SARDH: variants seen among roughly 807,000 people sequenced by gnomAD.
The protein encoded by SARDH is sarcosine dehydrogenase, mitochondrial.
A neutral mutation model predicts 109.1 loss-of-function variants in SARDH; 95 were observed. The ratio of observed to expected loss-of-function variants is 0.87; its 90% CI spans 0.74 to 1.03. The LOEUF (loss-of-function observed/expected upper bound fraction) is 1.03. Among genes scored for constraint, SARDH ranks in the 50% least tolerant of loss-of-function variants. The pLI, the probability that SARDH is intolerant of heterozygous loss-of-function variation, is 0.00. For synonymous variants in SARDH, 572 were observed against 534.8 expected (o/e 1.07, Z -0.96); for missense variants, 1,267 against 1,287.8 (o/e 0.98, Z 0.25).
In SARDH at chr9:133,709,095, G is replaced by A. The variant is rs990322384; in HGVS notation, c.1329-667C>T. 3.9e-5 allele frequency among the ~76,000 whole-genome samples: 6 copies of A among 152,178 alleles called. No individual in the cohort carries two copies. Among genetic ancestry groups the A allele is most frequent in the African/African-American group, 9.7e-5 (4 of 41,418 alleles). On this transcript the variant is annotated intron_variant, in intron 10 of 20. Transcript: ENST00000439388. This position sits in a 1 kb window ranked among gnomAD's most constrained non-coding sequence, Gnocchi z 4.2. ...CTGGGGAGCGGCTGCCCAATCCAGCGCCTGGGACCGGAGATGATGTGGCTG... is the reference window on the plus strand; with the variant it reads ...CTGGGGAGCGGCTGCCCAATCCAGCACCTGGGACCGGAGATGATGTGGCTG...
chr9:133,732,476 G>C lies in SARDH; in HGVS notation c.457C>G (p.Leu153Val). 6.2e-7 allele frequency: 1 copy of C among 1,612,212 alleles called. No individual in the cohort carries two copies. Residue 153 changes from leucine to valine, a missense_variant, in exon 3 of 21, where the codon CTC becomes GTC. Leu to Val is a conservative substitution (Grantham distance 32, BLOSUM62 1). Coordinates refer to ENST00000439388, the MANE Select transcript of SARDH (RefSeq NM_001134707.2). ...LHTGWIQNGG[L>V]FIASNRQRLD... ...CGCTGCCGGTTGGACGCGATGAAGA[G>C]GCCCCCATTCTGGATCCAGCCCGTG...
intron 8 of SARDH, among the ~76,000 whole-genome samples, chr9:133,717,037 A>C (rs1832148002): frequency 6.6e-6 from 1 of 152,200 alleles, no homozygotes; most frequent in Non-Finnish European, 1.5e-5. Flanking sequence ...CTAGGGATGA[A>C]GAAGCCCAGG....
rs1481222082 is a variant in SARDH at position 133,704,805 on chromosome 9, C to T, written c.1554+143G>A. The T allele has an allele frequency of 1.5e-6, 1 of 688,604 alleles. No individual in the cohort carries two copies. The highest frequency in any genetic ancestry group is 4.0e-4 in the Middle Eastern group (1 of 2,486). 42.7% of individuals were successfully genotyped at this position (688,604 alleles called of 1,614,324 possible). ...GGGCAGGTCGGCAGGGCTCGGCTTC[C>T]CGTGTGCAGAATAACTGATCACGAC... On this transcript the variant is annotated intron_variant, in intron 12 of 20. Coordinates refer to ENST00000439388, the MANE Select transcript of SARDH (RefSeq NM_001134707.2). The surrounding 1 kb of genome is among the most constrained non-coding windows in gnomAD (Gnocchi z 4.5).
chr9:133,710,795 C>T (rs1294080557), intron 10 of SARDH, among the ~76,000 whole-genome samples: 4 of 152,248 alleles, frequency 2.6e-5, no homozygotes, highest in Admixed American at 6.5e-5. Context: ...TGGTGGCGGC[C>T]GTCCACTCTG....
At chr9:133,687,769 T>C (rs1389856126) in intron 16 of SARDH, among the ~76,000 whole-genome samples, 2 of 152,236 alleles carry the variant, frequency 1.3e-5, no homozygotes, top group African/African-American at 4.8e-5. Context: ...CATTGTCCAG[T>C]AGGTGTGCTG....
In SARDH at chr9:133,709,304, G is replaced by A. The variant is rs754535623; in HGVS notation, c.1329-876C>T. Among the ~76,000 whole-genome samples the A allele has an allele frequency of 6.6e-6, 1 of 152,112 alleles. No individual in the cohort carries two copies. Among genetic ancestry groups the A allele is most frequent in the Admixed American group, 6.5e-5 (1 of 15,272 alleles). On this transcript the variant is annotated intron_variant, in intron 10 of 20. Transcript: ENST00000439388. The surrounding 1 kb of genome is among the most constrained non-coding windows in gnomAD (Gnocchi z 4.2). The stretch of plus-strand genomic sequence containing the variant: ...GAGTGGGCAGAGCAATCAGTGCCCC[G>A]CGGCTTGTTCCCTGGTCTCCTCAGA...
chr9:133,694,439 C>T, intron 14 of SARDH, 68 bp from the exon 15 acceptor site: 1 of 1,291,968 alleles, frequency 7.7e-7, no homozygotes, highest in Non-Finnish European at 1.1e-6. Flanking sequence ...CCTCAGTTTC[C>T]CCAGGGCCGC....
intron 6 of SARDH, among the ~76,000 whole-genome samples, chr9:133,721,344 A>G (rs532156268): frequency 1.3e-5 from 2 of 152,386 alleles, no homozygotes; most frequent in Non-Finnish European, 1.5e-5. Context: ...TTTTCAACAC[A>G]GAATTCTAGA....
chr9:133,682,386 G>A (rs1277684476), intron 17 of SARDH, among the ~76,000 whole-genome samples: 4 of 152,220 alleles, frequency 2.6e-5, no homozygotes, highest in Admixed American at 6.5e-5. Context: ...GAAGATGGCG[G>A]GCAACACACT....
Position 133,734,036 on chromosome 9 carries a change from C to T in SARDH, c.138G>A (p.Leu46=). 6.2e-7 allele frequency: 1 copy of T among 1,613,364 alleles called. No individual in the cohort carries two copies. The highest frequency in any genetic ancestry group is 2.2e-5 in the East Asian group (1 of 44,886). ...CCACCGAGGTGCCCTGTCCCTCCTT[C>T]AGGGTCCGCTGATATGGCACACTCT... ...AEKSVPYQRT[L]KEGQGTSVVA... The change falls in exon 2 of 21, where the codon CTG becomes CTA. Residue 46 remains leucine, a synonymous_variant. Transcript: ENST00000439388.
intron 2 of SARDH, among the ~76,000 whole-genome samples, chr9:133,733,412 C>T: frequency 6.6e-6 from 1 of 152,274 alleles, no homozygotes; most frequent in East Asian, 1.9e-4. Context: ...ATATATGCCC[C>T]CTGGTTAGTT....
At chr9:133,725,908 T>C (rs1021367828) in intron 6 of SARDH, among the ~76,000 whole-genome samples, 8 of 152,166 alleles carry the variant, frequency 5.3e-5, no homozygotes, top group African/African-American at 1.9e-4. Flanking sequence ...ACCCCTGTCC[T>C]GTCTCTGGGA....
At chr9:133,665,396 G>A (rs1054272543) in intron 20 of SARDH, among the ~76,000 whole-genome samples, 1 of 152,218 alleles carries the variant, frequency 6.6e-6, no homozygotes, top group African/African-American at 2.4e-5. Flanking sequence ...CATGGCCCCA[G>A]GGCTGTGTCA....
At chr9:133,735,787 T>G (rs112841765) in intron 1 of SARDH, among the ~76,000 whole-genome samples, 243 of 152,368 alleles carry the variant, frequency 1.6e-3, no homozygotes, top group African/African-American at 5.6e-3. Flanking sequence ...CTCATGCCTG[T>G]AATCCCAGCA....
intron 19 of SARDH, among the ~76,000 whole-genome samples, chr9:133,667,657 T>C (rs1358259862): frequency 6.6e-6 from 1 of 151,680 alleles, no homozygotes; most frequent in African/African-American, 2.4e-5. Flanking sequence ...TGCAGACTTC[T>C]CCCTGTGCAA....
chr9:133,716,104 G>A (rs987476506), intron 8 of SARDH, among the ~76,000 whole-genome samples: 9 of 152,216 alleles, frequency 5.9e-5, no homozygotes, highest in East Asian at 1.9e-4. Flanking sequence ...CAGGCCCAGC[G>A]CTGACTCGCC....
At chr9:133,661,065 C>A (rs575151273), downstream of SARDH, among the ~76,000 whole-genome samples, 42 of 152,012 alleles carry the variant, frequency 2.8e-4, no homozygotes, top group Middle Eastern at 3.4e-3. Flanking sequence ...TAGGGCTGGG[C>A]GCGGTGGCTC....
chr9:133,714,890 A>G (rs1469460922), intron 8 of SARDH, among the ~76,000 whole-genome samples: 1 of 152,196 alleles, frequency 6.6e-6, no homozygotes, highest in Non-Finnish European at 1.5e-5. Context: ...GAAGCTCTGA[A>G]CAACCTCACA....
chr9:133,734,261 G>T, intron 1 of SARDH, 58 bp from the exon 2 acceptor site: 1 of 1,219,878 alleles, frequency 8.2e-7, no homozygotes, highest in Non-Finnish European at 1.1e-6. Context: ...GGGCTGTGCT[G>T]AGTACCCAGG....
Sources: allele counts gnomAD v4.1 joint callset (sites outside exome capture counted in the v4.1 genomes callset), GRCh38; gene constraint gnomAD v4.1.1; non-coding constraint Gnocchi (gnomAD v3.1); transcripts MANE v1.5; gene names NCBI Gene and HGNC (gene_info 2026-07-23, HGNC 2026-07-21).